SNX18: variants seen among roughly 807,000 people sequenced by gnomAD.
SNX18 encodes sorting nexin-18.
A neutral mutation model predicts 48.7 loss-of-function variants in SNX18; 35 were observed. That is an observed-to-expected ratio of 0.72 (90% CI 0.55 to 0.95). The LOEUF (loss-of-function observed/expected upper bound fraction) is 0.95, where lower values mean the gene tolerates loss of function less well. Among genes scored for constraint, SNX18 ranks in the 40% least tolerant of loss-of-function variants. The probability of loss-of-function intolerance (pLI) is 0.00; values close to 1 mark genes in which losing one functional copy is unlikely to be tolerated. For synonymous variants in SNX18, 492 were observed against 384.7 expected (o/e 1.28, Z -3.26); for missense variants, 824 against 871.0 (o/e 0.95, Z 0.68).
intron 1 of SNX18, among the ~76,000 whole-genome samples, chr5:54,542,856 T>G (rs1762497334): frequency 6.6e-6 from 1 of 152,224 alleles, no homozygotes; most frequent in Admixed American, 6.5e-5. Flanking sequence ...TGTTGTGTCT[T>G]TTTAAGGACA....
At chr5:54,625,147 G>C in the SNX18 span, among the ~76,000 whole-genome samples, 1 of 152,174 alleles carries the variant, frequency 6.6e-6, no homozygotes, top group African/African-American at 2.4e-5. Flanking sequence ...TCAGGCCATA[G>C]TGTGTATGAG....
At chr5:54,552,400 C>T in the SNX18 span, among the ~76,000 whole-genome samples, 1 of 152,164 alleles carries the variant, frequency 6.6e-6, no homozygotes, top group Non-Finnish European at 1.5e-5. Context: ...TTCTGAAGCC[C>T]TTAATAAGAT....
the SNX18 span, among the ~76,000 whole-genome samples, chr5:54,586,891 A>T: frequency 6.6e-6 from 1 of 152,162 alleles, no homozygotes; most frequent in Non-Finnish European, 1.5e-5. Flanking sequence ...AGGCATTTGT[A>T]TATAAATATA....
the SNX18 span, among the ~76,000 whole-genome samples, chr5:54,602,769 C>T: frequency 2.0e-5 from 3 of 152,162 alleles, no homozygotes; most frequent in Non-Finnish European, 2.9e-5. Context: ...GGCCTCCTTC[C>T]GGGATCTTGC....
At chr5:54,573,145 C>A in the SNX18 span, among the ~76,000 whole-genome samples, 1 of 152,026 alleles carries the variant, frequency 6.6e-6, no homozygotes, top group Non-Finnish European at 1.5e-5. Context: ...TCGATTCTTG[C>A]AAAATATAGT....
At chr5:54,588,819 C>T in the SNX18 span, among the ~76,000 whole-genome samples, 6 of 152,286 alleles carry the variant, frequency 3.9e-5, no homozygotes, top group African/African-American at 1.2e-4. Context: ...GTAACAAGAT[C>T]TGAGGTTTGA....
rs1341433143 is a variant in SNX18, at chr5:54,545,646, C to A, written c.*2214C>A. 6.6e-6 allele frequency: 1 copy of A among 152,136 alleles called. No homozygotes were observed. Among genetic ancestry groups the A allele is most frequent in the East Asian group, 1.9e-4 (1 of 5,192 alleles). 9.4% of individuals were successfully genotyped at this position (152,136 alleles called of 1,614,324 possible). A position where few individuals can be genotyped will look rare whatever the true frequency, so the allele number is the denominator to read the frequency against. ...ACATAACATTATAATGCCACTGATT[C>A]ATACGGGATTTACATTAATTCTATG... On this transcript the variant is annotated 3_prime_UTR_variant, in exon 2 of 2. Coordinates refer to ENST00000381410, the MANE Select transcript of SNX18 (RefSeq NM_001102575.2).
chr5:54,579,375 A>G, the SNX18 span, among the ~76,000 whole-genome samples: 1 of 152,014 alleles, frequency 6.6e-6, no homozygotes, highest in Admixed American at 6.6e-5. Flanking sequence ...AATGAGAACC[A>G]CATCATATAT....
intron 1 of SNX18, among the ~76,000 whole-genome samples, chr5:54,534,075 G>T (rs144170212): frequency 1.3e-5 from 2 of 152,042 alleles, no homozygotes; most frequent in Non-Finnish European, 2.9e-5. Context: ...AGTCTTGAGC[G>T]ACTTCTAAGC....
the SNX18 span, among the ~76,000 whole-genome samples, chr5:54,592,671 G>C: frequency 6.6e-6 from 1 of 152,202 alleles, no homozygotes; most frequent in Non-Finnish European, 1.5e-5. Context: ...GGGAGACTGA[G>C]CTTTGCCTTT....
chr5:54,586,047 G>A, the SNX18 span, among the ~76,000 whole-genome samples: 1 of 151,812 alleles, frequency 6.6e-6, no homozygotes. Flanking sequence ...AACACTGTCA[G>A]TAACACACAG....
the SNX18 span, among the ~76,000 whole-genome samples, chr5:54,624,168 A>G: frequency 1.3e-5 from 2 of 152,202 alleles, no homozygotes; most frequent in South Asian, 2.1e-4. Flanking sequence ...TAATCAATCA[A>G]TTGCATACTA....
chr5:54,570,445 T>C, the SNX18 span, among the ~76,000 whole-genome samples: 1 of 152,254 alleles, frequency 6.6e-6, no homozygotes, highest in African/African-American at 2.4e-5. Flanking sequence ...GTTTTCCATA[T>C]TTGCCTAGGT....
the SNX18 span, among the ~76,000 whole-genome samples, chr5:54,595,525 G>A: frequency 4.9e-4 from 75 of 152,278 alleles, no homozygotes; most frequent in African/African-American, 1.6e-3. Flanking sequence ...GTGAGCCACC[G>A]CGCCTAGCCT....
chr5:54,518,685 C>G lies in SNX18; in HGVS notation c.733C>G (p.Leu245Val), dbSNP rs1313571663. Residue 245 changes from leucine to valine, a missense_variant, in exon 1 of 2, where the codon CTG becomes GTG. Transcript: ENST00000381410. ...FVKSGGEAFV[L>V]GEASGFVKDG... ...CAAGTCCGGCGGGGAGGCCTTCGTG[C>G]TGGGGGAGGCGTCAGGCTTCGTGAA... is the stretch of plus-strand genomic sequence containing the variant. 1.2e-5 allele frequency: 19 copies of G among 1,571,490 alleles called. No individual in the cohort carries two copies. The highest frequency in any genetic ancestry group is 1.3e-5 in the Non-Finnish European group (15 of 1,159,706).
Position 54,539,289 on chromosome 5 carries a change from G to A in SNX18, c.1622-3890G>A, listed in dbSNP as rs1762418883. Reference sequence around the variant, plus strand: ...GCTGGGTTACCTGGATGACTGTCAGGCTCAAAGATGTTGAGTAACTTCCTC... The same window carrying A: ...GCTGGGTTACCTGGATGACTGTCAGACTCAAAGATGTTGAGTAACTTCCTC... On this transcript the variant is annotated intron_variant, in intron 1 of 1. Transcript: ENST00000381410. Among the ~76,000 whole-genome samples the A allele has an allele frequency of 2.6e-5, 4 of 152,186 alleles. 1 individual carries two copies. In the South Asian group the frequency reaches 8.3e-4, roughly 32 times the overall value.
At chr5:54,574,478 A>G in the SNX18 span, among the ~76,000 whole-genome samples, 1 of 152,210 alleles carries the variant, frequency 6.6e-6, no homozygotes, top group Non-Finnish European at 1.5e-5. Flanking sequence ...TGTCAGAATC[A>G]CTATTATTGG....
the SNX18 span, among the ~76,000 whole-genome samples, chr5:54,587,099 T>C: frequency 6.6e-6 from 1 of 152,018 alleles, no homozygotes; most frequent in South Asian, 2.1e-4. Flanking sequence ...TCCCCTGGGA[T>C]ATTCAGCTTT....
chr5:54,613,283 C>A, the SNX18 span, among the ~76,000 whole-genome samples: 1 of 151,864 alleles, frequency 6.6e-6, no homozygotes, highest in Admixed American at 6.6e-5. Context: ...AGATTTATTT[C>A]TTACAGTTCT....
Sources: allele counts gnomAD v4.1 joint callset (sites outside exome capture counted in the v4.1 genomes callset), GRCh38; gene constraint gnomAD v4.1.1; transcripts MANE v1.5; gene names NCBI Gene and HGNC (gene_info 2026-07-23, HGNC 2026-07-21).